Variants in RBFOX1 observed in about 807,000 individuals in gnomAD.
RBFOX1 encodes RNA binding fox-1 homolog 1.
A neutral mutation model predicts 57.7 loss-of-function variants in RBFOX1; 8 were observed. The observed-to-expected ratio is 0.14, with a 90% CI of 0.08 to 0.25. RBFOX1 has a LOEUF of 0.25. Among genes scored for constraint, RBFOX1 ranks in the 10% least tolerant of loss-of-function variants. RBFOX1 has a pLI of 1.00. For synonymous variants in RBFOX1, 326 were observed against 222.4 expected (o/e 1.47, Z -4.15); for missense variants, 611 against 548.5 (o/e 1.11, Z -1.14).
rs576295663 is a variant in RBFOX1 at position 7,521,265 on chromosome 16, G to C, written c.270+2876G>C. 3.3e-5 allele frequency among the ~76,000 whole-genome samples: 5 copies of C among 152,196 alleles called. No homozygotes were observed. The East Asian group carries it at 9.6e-4, about 29-fold the overall frequency. On this transcript the variant is annotated intron_variant, in intron 5 of 15. Coordinates refer to ENST00000550418, the MANE Select transcript of RBFOX1 (RefSeq NM_018723.4). ...GTTTTGGGCATGATGAAGGGGATTT[G>C]GAGGTGATGTGGCAAAAGATGAACC...
chr16:6,309,935 C>T (rs762638092), intron 1 of RBFOX1, among the ~76,000 whole-genome samples: 2 of 152,158 alleles, frequency 1.3e-5, no homozygotes, highest in Admixed American at 6.5e-5. Flanking sequence ...CTCGCTGTGT[C>T]GCCCAGGCTG....
intron 1 of RBFOX1, among the ~76,000 whole-genome samples, chr16:6,171,908 G>A (rs527975790): frequency 6.6e-6 from 1 of 151,974 alleles, no homozygotes; most frequent in Non-Finnish European, 1.5e-5. Context: ...TGTGACCTCT[G>A]CCTCCTGGGT....
At position 7,626,438 on chromosome 16, in the gene RBFOX1, CT is replaced by C. The variant is rs1327485489; in HGVS notation, c.677-4163del. Among the ~76,000 whole-genome samples, 14 of 152,282 alleles carry C rather than the reference CT, an allele frequency of 9.2e-5. No homozygotes were observed. In the East Asian group the frequency reaches 2.7e-3, roughly 29 times the overall value. ...CTGCTGGAGAGTGGCTGTGGGACATCTTGCCAGGTTGTGGGGATGCCGATGA... is the reference window on the plus strand; with the variant it reads ...CTGCTGGAGAGTGGCTGTGGGACATCTGCCAGGTTGTGGGGATGCCGATGA... On this transcript the variant is annotated intron_variant, in intron 10 of 15. Transcript: ENST00000550418.
At chr16:7,105,439 T>C (rs916301776) in intron 4 of RBFOX1, among the ~76,000 whole-genome samples, 4 of 152,116 alleles carry the variant, frequency 2.6e-5, no homozygotes, top group Non-Finnish European at 5.9e-5. Context: ...TCAAGCAGTA[T>C]ACACTGCACC....
chr16:5,786,419 C>T (rs2054502011), intron 3 of RBFOX1, among the ~76,000 whole-genome samples: 1 of 151,634 alleles, frequency 6.6e-6, no homozygotes, highest in South Asian at 2.1e-4. Flanking sequence ...GTGTCTCTAC[C>T]ACTAGGAGGG....
chr16:6,215,100 G>A (rs62652913), intron 1 of RBFOX1, among the ~76,000 whole-genome samples: 1 of 131,714 alleles, frequency 7.6e-6, no homozygotes, highest in South Asian at 2.8e-4. Flanking sequence ...AGAGGAGAAG[G>A]AGAGGGAGAG....
At chr16:5,396,671 G>T (rs2066566556) in intron 1 of RBFOX1, among the ~76,000 whole-genome samples, 1 of 151,548 alleles carries the variant, frequency 6.6e-6, no homozygotes, top group South Asian at 2.1e-4. Context: ...AAAGAAGGAG[G>T]AAAGATCAAG....
intron 3 of RBFOX1, among the ~76,000 whole-genome samples, chr16:6,681,605 G>T (rs991769185): frequency 1.3e-5 from 2 of 150,058 alleles, no homozygotes; most frequent in Non-Finnish European, 3.0e-5. Flanking sequence ...AGTTAAAGCC[G>T]TAAACAAAGA....
At chr16:6,883,406 A>G (rs115821036) in intron 3 of RBFOX1, among the ~76,000 whole-genome samples, 25 of 152,334 alleles carry the variant, frequency 1.6e-4, no homozygotes, top group East Asian at 5.8e-4. Context: ...TCAAAATCCA[A>G]TCAACTTAAT....
rs1393478508 is a variant in RBFOX1 at position 5,464,338 on chromosome 16, A to C, written c.220-2878A>C. Among the ~76,000 whole-genome samples, 4 of 152,344 alleles carry C rather than the reference A, an allele frequency of 2.6e-5. No individual in the cohort carries two copies. In the East Asian group the frequency reaches 7.7e-4, roughly 29 times the overall value. On this transcript the variant is annotated intron_variant, in intron 1 of 2. Coordinates refer to the RBFOX1 transcript ENST00000585867. ...TGGTGAATGATTCTCTTGGAGGGCA[A>C]AGGGCAGACCCTACGGGTTGTTTGC...
intron 3 of RBFOX1, among the ~76,000 whole-genome samples, chr16:7,029,275 TATATATATACAC>T (rs1488744835): frequency 2.9e-5 from 4 of 138,686 alleles, no homozygotes; most frequent in Non-Finnish European, 6.1e-5. Flanking sequence ...TACGTATACG[TATATATATACAC>T]ATATATATAT....
intron 3 of RBFOX1, among the ~76,000 whole-genome samples, chr16:6,773,377 TGTGGGC>T (rs2078750976): frequency 6.6e-6 from 1 of 150,412 alleles, no homozygotes; most frequent in African/African-American, 2.5e-5. Context: ...TGTGTGTGTG[TGTGGGC>T]GTGGGGTATA....
chr16:5,551,714 C>T (rs371056201), intron 2 of RBFOX1, among the ~76,000 whole-genome samples: 2 of 151,992 alleles, frequency 1.3e-5, no homozygotes, highest in African/African-American at 4.8e-5. Context: ...TGGTAGTTTG[C>T]CGCACCTATG....
chr16:5,479,562 C>T (rs192622219), intron 2 of RBFOX1, among the ~76,000 whole-genome samples: 10 of 152,174 alleles, frequency 6.6e-5, no homozygotes, highest in South Asian at 2.1e-4. Flanking sequence ...AGTTCCAGAC[C>T]AGCCTGGCCA....
At chr16:6,847,432 C>T (rs1371722272) in intron 3 of RBFOX1, among the ~76,000 whole-genome samples, 1 of 152,004 alleles carries the variant, frequency 6.6e-6, no homozygotes, top group Admixed American at 6.6e-5. Context: ...CTGCTTGGTG[C>T]TCTGTCATCA....
chr16:5,988,175 C>A (rs1052039021), intron 4 of RBFOX1, among the ~76,000 whole-genome samples: 5 of 152,132 alleles, frequency 3.3e-5, no homozygotes, highest in Admixed American at 3.3e-4. Context: ...TCAGGAGGTG[C>A]AAATGTAATA....
At chr16:6,764,712 A>G (rs1001066074) in intron 3 of RBFOX1, among the ~76,000 whole-genome samples, 4 of 152,138 alleles carry the variant, frequency 2.6e-5, no homozygotes, top group African/African-American at 9.7e-5. Context: ...TGAGGCGGGT[A>G]GGTCACTTGA....
chr16:6,933,022 A>T (rs1470088311), intron 3 of RBFOX1, among the ~76,000 whole-genome samples: 1 of 152,132 alleles, frequency 6.6e-6, no homozygotes, highest in Admixed American at 6.5e-5. Context: ...GGTTTATTTC[A>T]CTTAGCATAA....
intron 1 of RBFOX1, among the ~76,000 whole-genome samples, chr16:6,046,366 G>C (rs2095495374): frequency 6.6e-6 from 1 of 152,166 alleles, no homozygotes; most frequent in Non-Finnish European, 1.5e-5. Context: ...TACTCACATG[G>C]GGAGGATAGC....
Sources: allele counts gnomAD v4.1 joint callset (sites outside exome capture counted in the v4.1 genomes callset), GRCh38; gene constraint gnomAD v4.1.1; transcripts MANE v1.5; gene names NCBI Gene and HGNC (gene_info 2026-07-23, HGNC 2026-07-21).